The following TAF2 variants were observed in gnomAD, a reference collection of about 807,000 sequenced individuals.
The protein encoded by TAF2 is TATA-box binding protein associated factor 2.
In TAF2, 61 loss-of-function variants were observed where a neutral mutation model predicts 138.5. The ratio of observed to expected loss-of-function variants is 0.44; its 90% CI spans 0.36 to 0.54. The LOEUF (loss-of-function observed/expected upper bound fraction) is 0.54. Ranked by LOEUF, TAF2 falls within the 20% of genes least tolerant of loss-of-function variation. The pLI is 0.00. For synonymous variants in TAF2, 475 were observed against 469.9 expected (o/e 1.01, Z -0.14); for missense variants, 1,090 against 1,427.9 (o/e 0.76, Z 3.81).
At chr8:119,762,075 A>G (rs1031761646) in intron 19 of TAF2, among the ~76,000 whole-genome samples, 3 of 152,196 alleles carry the variant, frequency 2.0e-5, no homozygotes, top group Non-Finnish European at 2.9e-5. Flanking sequence ...CTAACAATAG[A>G]GAATGTTTAT....
At chr8:119,816,697 TCTAA>T (rs996042771) in intron 3 of TAF2, among the ~76,000 whole-genome samples, 7 of 152,222 alleles carry the variant, frequency 4.6e-5, no homozygotes, top group Admixed American at 1.3e-4. Flanking sequence ...CTTTTTCATA[TCTAA>T]CTGCCAATAA....
intron 18 of TAF2, among the ~76,000 whole-genome samples, chr8:119,771,532 G>A (rs530795318): frequency 3.3e-5 from 5 of 152,040 alleles, no homozygotes; most frequent in Middle Eastern, 3.4e-3. Flanking sequence ...CACTGTGCCC[G>A]GCCACGAGTA....
At chr8:119,762,947 G>A (rs1420997583) in intron 18 of TAF2, 1 of 199,842 alleles carries the variant, frequency 5.0e-6, no homozygotes, top group Non-Finnish European at 1.0e-5. Flanking sequence ...AATCTACATG[G>A]CAGTCAATTC....
intron 25 of TAF2, among the ~76,000 whole-genome samples, chr8:119,737,331 AATTAT>A (rs1012849206): frequency 9.5e-4 from 144 of 152,126 alleles, no homozygotes; most frequent in South Asian, 5.8e-3. Context: ...TTATGAATAA[AATTAT>A]ATTATATTTG....
intron 14 of TAF2, among the ~76,000 whole-genome samples, chr8:119,786,105 A>T (rs1042504952): frequency 2.0e-5 from 3 of 152,174 alleles, no homozygotes; most frequent in African/African-American, 7.2e-5. Context: ...TCTGTTCCTG[A>T]AAGTTCGTAT....
At position 119,776,778 on chromosome 8, in the gene TAF2, T is replaced by C. The variant is rs114452992; in HGVS notation, c.2364+1241A>G. 9.0e-3 allele frequency among the ~76,000 whole-genome samples: 1,377 copies of C among 152,306 alleles called. 20 individuals are homozygous for C. Among genetic ancestry groups the C allele is most frequent in the African/African-American group, 0.032 (1,312 of 41,568 alleles). ...TTCTGTCTAGAACAATCTTCCTACA[T>C]GGGTCCTACTCATACTTTGGGAAAA... is the stretch of plus-strand genomic sequence containing the variant. On this transcript the variant is annotated intron_variant, in intron 18 of 25. Coordinates refer to ENST00000378164, the MANE Select transcript of TAF2 (RefSeq NM_003184.4).
At chr8:119,746,002 T>C (rs1819940382) in intron 23 of TAF2, among the ~76,000 whole-genome samples, 1 of 152,138 alleles carries the variant, frequency 6.6e-6, no homozygotes, top group Non-Finnish European at 1.5e-5. Context: ...GAGCAACAAT[T>C]TTAAAAAGAC....
chr8:119,764,926 T>A (rs1188235209), intron 18 of TAF2, among the ~76,000 whole-genome samples: 1 of 151,616 alleles, frequency 6.6e-6, no homozygotes, highest in African/African-American at 2.4e-5. Flanking sequence ...AAGGAAAGAA[T>A]CTTACCAAAA....
At chr8:119,830,187 C>T (rs1298340776) in intron 2 of TAF2, among the ~76,000 whole-genome samples, 2 of 151,948 alleles carry the variant, frequency 1.3e-5, no homozygotes, top group Non-Finnish European at 2.9e-5. Context: ...TGTGAGCCAC[C>T]GTGCCTGGCC....
chr8:119,815,180 G>A (rs1325979651), intron 3 of TAF2, among the ~76,000 whole-genome samples: 2 of 151,878 alleles, frequency 1.3e-5, no homozygotes, highest in Non-Finnish European at 2.9e-5. Flanking sequence ...TACTCGGGAG[G>A]GTGAGGCAGG....
In TAF2 at chr8:119,817,565, G is replaced by C. The variant is rs547813265; in HGVS notation, c.299+1781C>G. ...CCATTATTACTAGAGAAAAATTTTA[G>C]GGAATATTATCAAAATAAAAAGAGC... On this transcript the variant is annotated intron_variant, in intron 3 of 25. Coordinates refer to ENST00000378164, the MANE Select transcript of TAF2 (RefSeq NM_003184.4). Among the ~76,000 whole-genome samples the C allele has an allele frequency of 3.1e-4, 47 of 152,258 alleles. 1 individual carries two copies. The South Asian group carries it at 9.7e-3, about 32-fold the overall frequency.
At chr8:119,770,677 AC>A (rs1821768727) in intron 18 of TAF2, among the ~76,000 whole-genome samples, 1 of 152,202 alleles carries the variant, frequency 6.6e-6, no homozygotes, top group Admixed American at 6.5e-5. Flanking sequence ...CTATAATTAC[AC>A]AATTAAGGCC....
chr8:119,785,657 A>AT (rs2131149481), intron 14 of TAF2, among the ~76,000 whole-genome samples: 1 of 152,328 alleles, frequency 6.6e-6, no homozygotes, highest in Non-Finnish European at 1.5e-5. Flanking sequence ...TCAGCTGCAT[A>AT]TATGCAAGGT....
chr8:119,808,523 C>T (rs899832986), intron 3 of TAF2, among the ~76,000 whole-genome samples: 1 of 152,170 alleles, frequency 6.6e-6, no homozygotes, highest in African/African-American at 2.4e-5. Context: ...TCATGAATGT[C>T]CTTAATGGCA....
At chr8:119,739,508 G>A (rs1404565382) in intron 25 of TAF2, among the ~76,000 whole-genome samples, 1 of 151,962 alleles carries the variant, frequency 6.6e-6, no homozygotes, top group East Asian at 1.9e-4. Flanking sequence ...AACTGGGGAA[G>A]CAAGGTTAAA....
chr8:119,744,871 T>A (rs1819849824), intron 23 of TAF2: 1 of 456,136 alleles, frequency 2.2e-6, no homozygotes. Context: ...GTTTAACCTG[T>A]ATTTCTTACT....
intron 11 of TAF2, 121 bp downstream of exon 11, chr8:119,791,203 T>A (rs1823404752): frequency 1.7e-6 from 2 of 1,162,900 alleles, no homozygotes; most frequent in South Asian, 2.9e-5. Flanking sequence ...CACAGGTTAC[T>A]TAGTGGGCAA....
intron 3 of TAF2, among the ~76,000 whole-genome samples, chr8:119,808,812 A>C (rs1240774272): frequency 6.6e-6 from 1 of 152,240 alleles, no homozygotes; most frequent in Non-Finnish European, 1.5e-5. Flanking sequence ...TCTTCTGACC[A>C]GTAATCTCAA....
chr8:119,732,740 G>A (rs1213477464), intron 25 of TAF2, among the ~76,000 whole-genome samples: 2 of 152,156 alleles, frequency 1.3e-5, no homozygotes, highest in East Asian at 1.9e-4. Context: ...GGAGGCCGAG[G>A]TTGCAGTGAG....
Sources: allele counts gnomAD v4.1 joint callset (sites outside exome capture counted in the v4.1 genomes callset), GRCh38; gene constraint gnomAD v4.1.1; transcripts MANE v1.5; gene names NCBI Gene and HGNC (gene_info 2026-07-23, HGNC 2026-07-21).